ZNF222: variants seen among roughly 807,000 people sequenced by gnomAD.
The protein encoded by ZNF222 is zinc finger protein 222.
A neutral mutation model predicts 11.6 loss-of-function variants in ZNF222; 8 were observed. That is an observed-to-expected ratio of 0.69 (90% confidence interval 0.41 to 1.25). The LOEUF is 1.25. Ranked by LOEUF, ZNF222 falls within the 50% of genes most tolerant of loss-of-function variation. ZNF222 has a pLI of 0.01. For missense variants in ZNF222, 483 were observed against 576.1 expected (o/e 0.84, Z 1.65); for synonymous variants, 171 against 195.6 (o/e 0.87, Z 1.05).
intron 3 of ZNF222, among the ~76,000 whole-genome samples, chr19:44,030,728 G>T (rs1976486369): frequency 6.6e-6 from 1 of 152,114 alleles, no homozygotes; most frequent in Non-Finnish European, 1.5e-5. Context: ...GAGTGCTGGG[G>T]TCCAGAGTAA....
intron 1 of ZNF222, 103 bp from the exon 2 acceptor site, chr19:44,026,920 G>C: frequency 6.5e-7 from 1 of 1,542,066 alleles, no homozygotes; most frequent in Non-Finnish European, 8.8e-7. Flanking sequence ...TGTCTCTCAA[G>C]ATCCAAAACA....
chr19:44,029,149 C>G (rs1366385395), intron 3 of ZNF222, among the ~76,000 whole-genome samples: 1 of 146,302 alleles, frequency 6.8e-6, no homozygotes, highest in Non-Finnish European at 1.5e-5. Flanking sequence ...GATATAGAGG[C>G]TGACTATATG....
At chr19:44,027,178 T>A in intron 2 of ZNF222, 29 bp downstream of exon 2, 1 of 1,612,870 alleles carries the variant, frequency 6.2e-7, no homozygotes, top group Non-Finnish European at 8.5e-7. Context: ...TGTAATGGAA[T>A]GTCAGGCCCC....
Position 44,033,042 on chromosome 19 carries a change from T to C in ZNF222, c.*12T>C. 3.4e-6 allele frequency: 5 copies of C among 1,488,078 alleles called. No homozygotes were observed. Among genetic ancestry groups the C allele is most frequent in the Non-Finnish European group, 4.5e-6 (5 of 1,120,856 alleles). 92.2% of individuals were successfully genotyped at this position (1,488,078 alleles called of 1,614,324 possible). On this transcript the variant is annotated 3_prime_UTR_variant, in exon 4 of 4. Transcript: ENST00000391960. ...TAAATGACATATAAGTTATACATAT[T>C]TATGGAGTGTGAAATTTGATACATG...
intron 3 of ZNF222, among the ~76,000 whole-genome samples, chr19:44,031,530 T>C (rs534482090): frequency 1.9e-3 from 292 of 152,298 alleles, no homozygotes; most frequent in African/African-American, 6.8e-3. Context: ...TTGCCCAGGC[T>C]GGAGTGCAAT....
Position 44,032,667 on chromosome 19 carries a change from T to G in ZNF222, c.1113T>G (p.His371Gln), listed in dbSNP as rs760914392. The change falls in exon 4 of 4, where the codon CAT becomes CAG. Residue 371 changes from histidine (H) to glutamine (Q), a missense_variant. Physicochemically the swap from His to Gln is conservative, Grantham distance 24. Transcript: ENST00000391960. Reference protein sequence around the residue: ...SFKWSSYLLVHQRVHTGEKPY... With the variant: ...SFKWSSYLLVQQRVHTGEKPY... The stretch of plus-strand genomic sequence containing the variant: ...AATGGTCCTCATATCTTTTGGTCCA[T>G]CAACGAGTCCACACTGGAGAAAAGC... 6.2e-7 allele frequency: 1 copy of G among 1,614,168 alleles called. No homozygotes were observed. Among genetic ancestry groups the G allele is most frequent in the South Asian group, 1.1e-5 (1 of 91,086 alleles).
rs1451696291 is a variant in ZNF222 at position 44,025,398 on chromosome 19, C to T, written c.-39C>T. ...TCATTTCCACATCTTGCGAGTCCTT[C>T]CGAACGAGTCTCCTTTCCTTGGGGC... On this transcript the variant is annotated 5_prime_UTR_variant, in exon 1 of 4. Coordinates refer to ENST00000391960, the MANE Select transcript of ZNF222 (RefSeq NM_001129996.2). This position sits in a 1 kb window ranked among gnomAD's most constrained non-coding sequence, Gnocchi z 4.6. 6.5e-7 allele frequency: 1 copy of T among 1,550,280 alleles called. No individual in the cohort carries two copies. The highest frequency in any genetic ancestry group is 1.2e-5 in the South Asian group (1 of 84,042).
intron 3 of ZNF222, among the ~76,000 whole-genome samples, chr19:44,031,405 G>A (rs758984632): frequency 1.1e-4 from 16 of 152,208 alleles, no homozygotes; most frequent in Non-Finnish European, 2.2e-4. Flanking sequence ...GTGAAGTCTT[G>A]AAAACACTGA....
chr19:44,029,528 T>C (rs1450463188), intron 3 of ZNF222, among the ~76,000 whole-genome samples: 1 of 152,238 alleles, frequency 6.6e-6, no homozygotes, highest in Non-Finnish European at 1.5e-5. Context: ...ATATAGATTT[T>C]ACTGAAATCT....
chr19:44,027,277 G>GTCATT, intron 2 of ZNF222, 121 bp from the exon 3 acceptor site: 2 of 1,572,048 alleles, frequency 1.3e-6, no homozygotes, highest in Non-Finnish European at 1.7e-6. Flanking sequence ...CTATTAGGTT[G>GTCATT]GTGCAAAAGT....
At chr19:44,027,233 G>A (rs1976397412) in intron 2 of ZNF222, 84 bp downstream of exon 2, 1 of 1,594,180 alleles carries the variant, frequency 6.3e-7, no homozygotes, top group African/African-American at 1.3e-5. Flanking sequence ...TGAGTGTGCA[G>A]TGAGAACCTA....
At chr19:44,031,363 C>T (rs867489412) in intron 3 of ZNF222, among the ~76,000 whole-genome samples, 5 of 152,152 alleles carry the variant, frequency 3.3e-5, no homozygotes, top group African/African-American at 9.7e-5. Flanking sequence ...GAAAAATGAA[C>T]GTTCATTAAA....
rs1036581960 is a variant in ZNF222, at chr19:44,032,772, G to A, written c.1218G>A (p.Glu406=). The A allele has an allele frequency of 3.7e-6, 6 of 1,614,074 alleles. No homozygotes were observed. The African/African-American group carries it at 6.7e-5, about 18-fold the overall frequency. ...LDFHHRTHTG[E]RSYNCDNCGK... is the part of the protein sequence containing the mutation. ...TCCACCATAGAACCCACACGGGAGA[G>A]AGATCTTATAACTGTGATAACTGCG... The change falls in exon 4 of 4, where the codon GAG becomes GAA. Residue 406 remains glutamate (E), a synonymous_variant. Coordinates refer to ENST00000391960, the MANE Select transcript of ZNF222 (RefSeq NM_001129996.2).
At position 44,025,636 on chromosome 19, in the gene ZNF222, C is replaced by G. The variant is rs1401978275; in HGVS notation, c.42+158C>G. On this transcript the variant is annotated intron_variant, in intron 1 of 3. Transcript: ENST00000391960. The surrounding 1 kb of genome is among the most constrained non-coding windows in gnomAD (Gnocchi z 4.6). ...CTCCCTCCTCCCTACGTGTGCAGCC[C>G]CTTTCAGTGTGGTGTGGAGTGTCAC... Among the ~76,000 whole-genome samples, 1 of 152,130 alleles carries G rather than the reference C, an allele frequency of 6.6e-6. No individual in the cohort carries two copies. Among genetic ancestry groups the G allele is most frequent in the Non-Finnish European group, 1.5e-5 (1 of 68,034 alleles).
chr19:44,032,198 G>A lies in ZNF222; in HGVS notation c.644G>A (p.Cys215Tyr). ...CACATGGGAGTGAAATGCTATAAGT[G>A]TGATGTGTGTGGTAAGGAATTTAGT... ...RVHMGVKCYK[C>Y]DVCGKEFSQS... The change falls in exon 4 of 4, where the codon TGT becomes TAT. Residue 215 changes from cysteine to tyrosine, a missense_variant. Cys to Tyr is a radical substitution (Grantham distance 194). Coordinates refer to ENST00000391960, the MANE Select transcript of ZNF222 (RefSeq NM_001129996.2). The A allele has an allele frequency of 6.2e-7, 1 of 1,614,220 alleles. No homozygotes were observed. The highest frequency in any genetic ancestry group is 8.5e-7 in the Non-Finnish European group (1 of 1,180,040).
chr19:44,030,073 A>G (rs113925687), intron 3 of ZNF222, among the ~76,000 whole-genome samples: 332 of 152,342 alleles, frequency 2.2e-3, no homozygotes, highest in South Asian at 3.7e-3. Flanking sequence ...GAGTATAAAA[A>G]GTTATAAAGC....
At chr19:44,031,602 C>A (rs576425549) in intron 3 of ZNF222, among the ~76,000 whole-genome samples, 1 of 152,318 alleles carries the variant, frequency 6.6e-6, no homozygotes, top group African/African-American at 2.4e-5. Flanking sequence ...CCTGCCTCAG[C>A]CTCCTGAGTA....
chr19:44,032,442 A>G lies in ZNF222; in HGVS notation c.888A>G (p.Pro296=). 6.2e-7 allele frequency: 1 copy of G among 1,614,224 alleles called. No homozygotes were observed. The highest frequency in any genetic ancestry group is 1.1e-5 in the South Asian group (1 of 91,084). ...KHHRIHTGEK[P]FKCEICGKSF... ...ACAGAATTCATACTGGGGAGAAGCC[A>G]TTCAAATGTGAAATATGTGGTAAGA... The change falls in exon 4 of 4, where the codon CCA becomes CCG. Residue 296 remains proline, a synonymous_variant. Coordinates refer to ENST00000391960, the MANE Select transcript of ZNF222 (RefSeq NM_001129996.2).
rs769490285 is a variant in ZNF222, at chr19:44,032,728, A to C, written c.1174A>C (p.Ser392Arg). 1 of 1,614,242 alleles carries C rather than the reference A, an allele frequency of 6.2e-7. No individual in the cohort carries two copies. Among genetic ancestry groups the C allele is most frequent in the Admixed American group, 1.7e-5 (1 of 60,028 alleles). Residue 392 changes from serine to arginine, a missense_variant, in exon 4 of 4, where the codon AGT (serine) becomes CGT (arginine). Coordinates refer to ENST00000391960, the MANE Select transcript of ZNF222 (RefSeq NM_001129996.2). The stretch of plus-strand genomic sequence containing the variant: ...TGAGGAGTGTGGGAAGGGCTACATT[A>C]GTAAGTCAGGTCTTGACTTCCACCA... ...KCEECGKGYISKSGLDFHHRT... is the reference protein window; with the variant it reads ...KCEECGKGYIRKSGLDFHHRT...
Sources: gnomAD v4.1 joint callset for allele counts (sites outside exome capture counted in the v4.1 genomes callset) on GRCh38, gnomAD v4.1.1 for gene constraint, Gnocchi (gnomAD v3.1) non-coding constraint, MANE v1.5 for transcripts, NCBI Gene and HGNC (gene_info 2026-07-23, HGNC 2026-07-21) for gene names.